Variants in DOCK3 observed in about 807,000 individuals in gnomAD.
DOCK3 encodes the protein dedicator of cytokinesis 3.
Under a neutral mutation model 265.6 loss-of-function variants are expected in DOCK3, and 60 were observed. The ratio of observed to expected loss-of-function variants is 0.23; its 90% confidence interval spans 0.18 to 0.28. The LOEUF is 0.28. DOCK3 is among the 10% of genes least tolerant of loss of function. The probability of loss-of-function intolerance (pLI) is 1.00; values close to 1 mark genes in which losing one functional copy is unlikely to be tolerated. For synonymous variants in DOCK3, 881 were observed against 938.0 expected (o/e 0.94, Z 1.11); for missense variants, 1,981 against 2,594.3 (o/e 0.76, Z 5.14).
rs1289951069 is a variant in DOCK3 at position 50,778,681 on chromosome 3, G to A, written c.44G>A (p.Cys15Tyr). 5 of 1,582,804 alleles carry A rather than the reference G, an allele frequency of 3.2e-6. No homozygotes were observed. Among genetic ancestry groups the A allele is most frequent in the Non-Finnish European group, 3.4e-6 (4 of 1,163,156 alleles). ...TEEEKYGVVICSFRGSVPQGL... is the reference protein window; with the variant it reads ...TEEEKYGVVIYSFRGSVPQGL... Reference sequence around the variant, plus strand: ...TTTATCCTTGCTTTTCTAGTGATATGCAGCTTTCGAGGATCTGTCCCTCAA... The same window carrying A: ...TTTATCCTTGCTTTTCTAGTGATATACAGCTTTCGAGGATCTGTCCCTCAA... The change falls in exon 2 of 53, where the codon TGC becomes TAC. Residue 15 changes from cysteine to tyrosine, a missense_variant. Cys to Tyr is a radical substitution (Grantham distance 194). This residue lies in a region of DOCK3 where 456 missense variants were observed against 539.0 expected (regional missense o/e 0.85). Transcript: ENST00000266037.
At chr3:51,290,185 G>A (rs2081653059) in intron 27 of DOCK3, among the ~76,000 whole-genome samples, 1 of 152,130 alleles carries the variant, frequency 6.6e-6, no homozygotes, top group Non-Finnish European at 1.5e-5. Context: ...CCATTACTGG[G>A]TATATACCCA....
chr3:51,033,628 T>C (rs988806352), intron 5 of DOCK3, among the ~76,000 whole-genome samples: 1 of 152,208 alleles, frequency 6.6e-6, no homozygotes, highest in African/African-American at 2.4e-5. Flanking sequence ...GAACATTTGC[T>C]CAACTTTAAT....
At chr3:51,097,777 C>T (rs763652777) in intron 9 of DOCK3, among the ~76,000 whole-genome samples, 4 of 152,202 alleles carry the variant, frequency 2.6e-5, no homozygotes, top group Non-Finnish European at 4.4e-5. Flanking sequence ...CTATGAGTTG[C>T]GAAGACCGTG....
At chr3:50,744,151 G>A (rs2039266502) in intron 1 of DOCK3, among the ~76,000 whole-genome samples, 1 of 151,958 alleles carries the variant, frequency 6.6e-6, no homozygotes, top group Non-Finnish European at 1.5e-5. Context: ...TGAATTGTAG[G>A]CCTTCTTTAT....
intron 46 of DOCK3, 98 bp from the exon 47 acceptor site, chr3:51,360,413 T>G (rs1041965680): frequency 6.9e-7 from 1 of 1,457,400 alleles, no homozygotes; most frequent in Non-Finnish European, 9.3e-7. Context: ...CTTTTTTGTT[T>G]CTTTTACATT....
At chr3:50,696,591 TA>T (rs2035632902) in intron 1 of DOCK3, among the ~76,000 whole-genome samples, 1 of 152,160 alleles carries the variant, frequency 6.6e-6, no homozygotes, top group Admixed American at 6.5e-5. Flanking sequence ...CAGGGGACAG[TA>T]AGGCATGAAA....
chr3:51,342,953 G>A (rs571035038), intron 38 of DOCK3, among the ~76,000 whole-genome samples: 35 of 152,262 alleles, frequency 2.3e-4, no homozygotes, highest in Non-Finnish European at 4.4e-4. Flanking sequence ...TCCTCAGAGG[G>A]GCAGTTATCA....
intron 5 of DOCK3, among the ~76,000 whole-genome samples, chr3:51,022,447 A>G (rs1052037671): frequency 6.6e-6 from 1 of 152,186 alleles, no homozygotes; most frequent in African/African-American, 2.4e-5. Flanking sequence ...TAAAAGAACT[A>G]TGTTTTTAAA....
At position 51,360,585 on chromosome 3, in the gene DOCK3, C is replaced by T. The variant is rs1185101166; in HGVS notation, c.4959C>T (p.Ser1653=). The T allele has an allele frequency of 1.9e-6, 3 of 1,613,736 alleles. No individual in the cohort carries two copies. The highest frequency in any genetic ancestry group is 1.7e-4 in the Middle Eastern group (1 of 6,060). Residue 1653 remains serine (S), a synonymous_variant, in exon 47 of 53, where the codon TCC becomes TCT. Transcript: ENST00000266037. ...TSTPRGNVLA[S]HSPMSPESIK... ...CCCCACGGGGAAATGTTCTGGCATC[C>T]CATAGCCCCATGAGTCCGGAGAGCA...
Position 51,357,917 on chromosome 3 carries a change from G to T in DOCK3, c.4768-44G>T, listed in dbSNP as rs747984735. The T allele has an allele frequency of 1.9e-5, 30 of 1,612,638 alleles. No homozygotes were observed. In the East Asian group the frequency reaches 6.5e-4, roughly 35 times the overall value. The stretch of plus-strand genomic sequence containing the variant: ...ACTACAAGATGAGCAGTTCTCAGGG[G>T]CTACTCATGGTTCACAGAGTGGCCT... On this transcript the variant is annotated intron_variant, in intron 45 of 52. Coordinates refer to ENST00000266037, the MANE Select transcript of DOCK3 (RefSeq NM_004947.5).
intron 12 of DOCK3, among the ~76,000 whole-genome samples, chr3:51,197,328 G>C (rs2088364632): frequency 6.6e-6 from 1 of 152,182 alleles, no homozygotes; most frequent in Non-Finnish European, 1.5e-5. Context: ...TGCTGGTAGT[G>C]GCAGTGGTGG....
chr3:51,212,033 C>T (rs1450220875), intron 13 of DOCK3, among the ~76,000 whole-genome samples: 2 of 152,124 alleles, frequency 1.3e-5, no homozygotes, highest in African/African-American at 4.8e-5. Context: ...AGAATCATGC[C>T]TTAGCATTAT....
intron 14 of DOCK3, among the ~76,000 whole-genome samples, chr3:51,223,041 C>T (rs557204070): frequency 5.3e-5 from 8 of 152,296 alleles, no homozygotes; most frequent in African/African-American, 1.9e-4. Flanking sequence ...GGGGCTCAAG[C>T]GATCCTCCCT....
At chr3:50,834,299 T>G (rs182327188) in intron 2 of DOCK3, among the ~76,000 whole-genome samples, 2 of 152,216 alleles carry the variant, frequency 1.3e-5, no homozygotes, top group Admixed American at 6.5e-5. Context: ...AACAATTGTT[T>G]GTGGATGACC....
At chr3:51,141,352 C>T (rs1293954787) in intron 9 of DOCK3, among the ~76,000 whole-genome samples, 1 of 147,406 alleles carries the variant, frequency 6.8e-6, no homozygotes, top group African/African-American at 2.5e-5. Context: ...AGCCCTATTA[C>T]ATAGCAGTTG....
chr3:50,678,781 A>G (rs1263983083), intron 1 of DOCK3, among the ~76,000 whole-genome samples: 1 of 149,086 alleles, frequency 6.7e-6, no homozygotes, highest in Admixed American at 6.8e-5. Context: ...AGCTGGGACT[A>G]CAGGTGTTTA....
intron 10 of DOCK3, among the ~76,000 whole-genome samples, chr3:51,157,109 A>T (rs1576270364): frequency 6.6e-6 from 1 of 152,196 alleles, no homozygotes; most frequent in South Asian, 2.1e-4. Flanking sequence ...AATATCAAAC[A>T]CAACTTTCAT....
At chr3:51,312,443 A>G (rs1261250210) in intron 29 of DOCK3, 33 bp from the exon 30 acceptor site, 3 of 1,583,320 alleles carry the variant, frequency 1.9e-6, no homozygotes, top group South Asian at 2.2e-5. Flanking sequence ...AAGTTCTTAG[A>G]CTGTCACATT....
chr3:51,291,663 A>T (rs2081782267), intron 27 of DOCK3, among the ~76,000 whole-genome samples: 1 of 152,220 alleles, frequency 6.6e-6, no homozygotes, highest in South Asian at 2.1e-4. Flanking sequence ...GAATTCTGCC[A>T]GACATTTACA....
Sources: allele counts gnomAD v4.1 joint callset (sites outside exome capture counted in the v4.1 genomes callset), GRCh38; gene constraint gnomAD v4.1.1; regional missense constraint gnomAD v4.1.1; transcripts MANE v1.5; gene names NCBI Gene and HGNC (gene_info 2026-07-23, HGNC 2026-07-21).